DCP1A: variants seen among roughly 807,000 people sequenced by gnomAD.
The protein encoded by DCP1A is mRNA-decapping enzyme 1A.
A neutral mutation model predicts 58.0 loss-of-function variants in DCP1A; 20 were observed. The ratio of observed to expected loss-of-function variants is 0.34; its 90% CI spans 0.24 to 0.50. The LOEUF is 0.50. DCP1A is among the 20% of genes least tolerant of loss of function. The probability of loss-of-function intolerance (pLI) is 0.98; values close to 1 mark genes in which losing one functional copy is unlikely to be tolerated. For missense variants in DCP1A, 613 were observed against 712.2 expected (o/e 0.86, Z 1.59); for synonymous variants, 285 against 275.1 (o/e 1.04, Z -0.36).
intron 3 of DCP1A, among the ~76,000 whole-genome samples, chr3:53,323,066 C>T (rs1559698290): frequency 1.3e-5 from 2 of 152,082 alleles, no homozygotes; most frequent in South Asian, 2.1e-4. Flanking sequence ...CCTCGTGATC[C>T]GCCCACCTCG....
chr3:53,286,467 T>C lies in DCP1A; in HGVS notation c.*1113A>G, dbSNP rs1706638409. 6.6e-6 allele frequency: 1 copy of C among 152,216 alleles called. No homozygotes were observed. Among genetic ancestry groups the C allele is most frequent in the Non-Finnish European group, 1.5e-5 (1 of 68,036 alleles). 9.4% of individuals were successfully genotyped at this position (152,216 alleles called of 1,614,324 possible). A position where few individuals can be genotyped will look rare whatever the true frequency, so the allele number is the denominator to read the frequency against. ...GCCATAAAAGAATAAATAGAAATCA[T>C]GGCAGATCAATAGCAGCATAACAAA... On this transcript the variant is annotated 3_prime_UTR_variant, in exon 10 of 10. Transcript: ENST00000610213.
At chr3:53,328,689 T>A (rs1553690928) in intron 3 of DCP1A, among the ~76,000 whole-genome samples, 1 of 152,234 alleles carries the variant, frequency 6.6e-6, no homozygotes, top group Non-Finnish European at 1.5e-5. Flanking sequence ...ACCAGAATAC[T>A]AAGCAGCGCC....
Position 53,287,580 on chromosome 3 carries a change from T to C in DCP1A, c.1749A>G (p.Ter583TrpextTer24), listed in dbSNP as rs1706686049. 6.2e-7 allele frequency: 1 copy of C among 1,602,550 alleles called. No homozygotes were observed. Among genetic ancestry groups the C allele is most frequent in the African/African-American group, 1.3e-5 (1 of 74,556 alleles). ...LTKNKDNHNL[*>W] is the part of the protein sequence containing the mutation. ...TGCCTTTAGACTTATTCTGCTCCAG[T>C]CATAGGTTGTGGTTGTCTTTGTTCT... The change falls in exon 10 of 10, where the codon TGA (stop) becomes TGG (tryptophan). Residue 583 changes from the stop codon to tryptophan (W), a stop_lost. Coordinates refer to ENST00000610213, the MANE Select transcript of DCP1A (RefSeq NM_018403.7).
intron 3 of DCP1A, chr3:53,329,586 A>G (rs1553691078): frequency 2.6e-6 from 1 of 384,198 alleles, no homozygotes; most frequent in Non-Finnish European, 4.6e-6. Context: ...TTTTTAAGAA[A>G]ATTTCAGATC....
intron 4 of DCP1A, among the ~76,000 whole-genome samples, chr3:53,313,873 A>G (rs1224524734): frequency 6.6e-6 from 1 of 152,126 alleles, no homozygotes; most frequent in African/African-American, 2.4e-5. Context: ...ACCGACTTAA[A>G]AAAAAAGAAA....
chr3:53,319,351 G>T lies in DCP1A; in HGVS notation c.371+56C>A, dbSNP rs970788142. On this transcript the variant is annotated intron_variant, in intron 4 of 9. Coordinates refer to ENST00000610213, the MANE Select transcript of DCP1A (RefSeq NM_018403.7). Reference sequence around the variant, plus strand: ...TTAGTAACAAAGAGAAGTGGGAGGGGATTATTTTTCATTTCTCACATATCA... The same window carrying T: ...TTAGTAACAAAGAGAAGTGGGAGGGTATTATTTTTCATTTCTCACATATCA... 9 of 1,109,028 alleles carry T rather than the reference G, an allele frequency of 8.1e-6. No homozygotes were observed. The African/African-American group carries it at 1.2e-4, about 15-fold the overall frequency. The allele number at this position is 1,109,028 out of a possible 1,614,324, so 68.7% of individuals were successfully genotyped here.
intron 3 of DCP1A, among the ~76,000 whole-genome samples, chr3:53,325,645 C>T (rs999709315): frequency 4.6e-5 from 7 of 152,102 alleles, no homozygotes; most frequent in African/African-American, 1.7e-4. Flanking sequence ...ATAAGTCAGG[C>T]CTGGCAAGTG....
intron 3 of DCP1A, among the ~76,000 whole-genome samples, chr3:53,337,590 A>G (rs1392029851): frequency 2.0e-5 from 3 of 152,258 alleles, no homozygotes; most frequent in Non-Finnish European, 4.4e-5. Context: ...TCTGCAAACT[A>G]AATTCCATGC....
intron 3 of DCP1A, among the ~76,000 whole-genome samples, chr3:53,338,487 T>C (rs1342348548): frequency 6.6e-6 from 1 of 152,108 alleles, no homozygotes; most frequent in Non-Finnish European, 1.5e-5. Context: ...CCTAAGCCCT[T>C]AGTCAGTGTA....
chr3:53,305,469 C>A (rs2106822687), intron 5 of DCP1A, among the ~76,000 whole-genome samples: 1 of 152,048 alleles, frequency 6.6e-6, no homozygotes, highest in Non-Finnish European at 1.5e-5. Context: ...CTTGCCTCAG[C>A]CTCCTGAGTA....
chr3:53,330,828 T>A (rs201977506), intron 3 of DCP1A, among the ~76,000 whole-genome samples: 62,119 of 141,328 alleles, frequency 0.44, 14,291 homozygotes, highest in Non-Finnish European at 0.51. Flanking sequence ...TATATATATT[T>A]TTTTTTTTTT....
At chr3:53,336,091 T>G (rs1261638551) in intron 3 of DCP1A, among the ~76,000 whole-genome samples, 1 of 149,984 alleles carries the variant, frequency 6.7e-6, no homozygotes, top group African/African-American at 2.5e-5. Context: ...TGAGCCACTG[T>G]GCCTGGCAGC....
chr3:53,319,595 T>C (rs1204142468), intron 3 of DCP1A, 122 bp from the exon 4 acceptor site: 1 of 583,818 alleles, frequency 1.7e-6, no homozygotes, highest in Non-Finnish European at 3.0e-6. Context: ...AAATTGTTAA[T>C]ACTCTATCTA....
intron 9 of DCP1A, 131 bp downstream of exon 9, chr3:53,287,934 T>C: frequency 1.1e-6 from 1 of 901,968 alleles, no homozygotes; most frequent in Admixed American, 2.6e-5. Context: ...GGATTACAGG[T>C]GTGAGCCACT....
chr3:53,346,689 G>A (rs923737838), intron 1 of DCP1A, among the ~76,000 whole-genome samples: 1 of 152,176 alleles, frequency 6.6e-6, no homozygotes, highest in Non-Finnish European at 1.5e-5. Context: ...TACTGAGTCC[G>A]AGGGGAGCAT....
chr3:53,334,896 G>A (rs1281210373), intron 3 of DCP1A, among the ~76,000 whole-genome samples: 2 of 151,432 alleles, frequency 1.3e-5, no homozygotes, highest in South Asian at 2.1e-4. Context: ...TGTTCTCTTC[G>A]ATTACTGAAT....
chr3:53,293,006 G>A (rs1675610383), intron 6 of DCP1A, among the ~76,000 whole-genome samples, 179 bp from the exon 7 acceptor site: 1 of 152,106 alleles, frequency 6.6e-6, no homozygotes, highest in Non-Finnish European at 1.5e-5. Context: ...AGTGTCCCCA[G>A]GTTGGTGGAT....
intron 3 of DCP1A, among the ~76,000 whole-genome samples, chr3:53,331,464 T>A (rs1226733306): frequency 6.6e-6 from 1 of 152,248 alleles, no homozygotes; most frequent in African/African-American, 2.4e-5. Context: ...TTCTTACCAA[T>A]GTGCTATAAC....
chr3:53,306,650 A>G (rs1245745043), intron 5 of DCP1A, among the ~76,000 whole-genome samples: 1 of 151,628 alleles, frequency 6.6e-6, no homozygotes, highest in East Asian at 2.0e-4. Flanking sequence ...GGGCGCCTGT[A>G]GTCCCAGCTA....
Sources: gnomAD v4.1 joint callset for allele counts (sites outside exome capture counted in the v4.1 genomes callset) on GRCh38, gnomAD v4.1.1 for gene constraint, MANE v1.5 for transcripts, NCBI Gene and HGNC (gene_info 2026-07-23, HGNC 2026-07-21) for gene names.